Variants in PTK2 observed in about 807,000 individuals in gnomAD.
PTK2 encodes the protein focal adhesion kinase 1.
PTK2 carries 45 observed loss-of-function variants against 150.1 expected under a neutral mutation model. The ratio of observed to expected loss-of-function variants is 0.30; its 90% confidence interval spans 0.24 to 0.38. The LOEUF (loss-of-function observed/expected upper bound fraction) is 0.38, where lower values mean the gene tolerates loss of function less well. Among genes scored for constraint, PTK2 ranks in the 10% least tolerant of loss-of-function variants. The probability of loss-of-function intolerance (pLI) is 1.00; values close to 1 mark genes in which losing one functional copy is unlikely to be tolerated. For synonymous variants in PTK2, 432 were observed against 449.2 expected (o/e 0.96, Z 0.48); for missense variants, 919 against 1,307.3 (o/e 0.70, Z 4.58).
chr8:140,749,111 C>T (rs1468090687), intron 17 of PTK2, among the ~76,000 whole-genome samples: 1 of 152,104 alleles, frequency 6.6e-6, no homozygotes, highest in Non-Finnish European at 1.5e-5. Context: ...ATGTGTTTTA[C>T]AAGTTTTCCC....
intron 7 of PTK2, among the ~76,000 whole-genome samples, chr8:140,838,279 A>T (rs2100120036): frequency 1.3e-5 from 2 of 152,210 alleles, no homozygotes; most frequent in Non-Finnish European, 2.9e-5. Context: ...AGAAATATAA[A>T]TTTCTAAATG....
intron 1 of PTK2, among the ~76,000 whole-genome samples, chr8:140,926,142 G>C (rs1399062650): frequency 6.6e-6 from 1 of 152,210 alleles, no homozygotes; most frequent in Non-Finnish European, 1.5e-5. Flanking sequence ...TGGCTACAGA[G>C]TCCATGTACT....
chr8:140,847,371 A>G (rs902327190), intron 5 of PTK2, among the ~76,000 whole-genome samples: 2 of 152,236 alleles, frequency 1.3e-5, no homozygotes, highest in East Asian at 1.9e-4. Context: ...AATGCCTTCT[A>G]AACAATGAAT....
At chr8:140,885,200 T>C (rs948250487) in intron 3 of PTK2, among the ~76,000 whole-genome samples, 21 of 152,218 alleles carry the variant, frequency 1.4e-4, no homozygotes, top group African/African-American at 4.8e-5. Context: ...TGGCTTTGAA[T>C]AGGTATAATC....
chr8:140,736,496 A>T (rs1030848270), intron 21 of PTK2, among the ~76,000 whole-genome samples: 5 of 150,902 alleles, frequency 3.3e-5, no homozygotes, highest in Non-Finnish European at 7.4e-5. Flanking sequence ...CATGTAACAA[A>T]CCTGCACATG....
intron 8 of PTK2, among the ~76,000 whole-genome samples, chr8:140,825,040 T>A (rs894148967): frequency 5.3e-5 from 8 of 152,160 alleles, no homozygotes; most frequent in Admixed American, 2.6e-4. Flanking sequence ...AACAATAGAT[T>A]CCTAGGACTT....
intron 1 of PTK2, among the ~76,000 whole-genome samples, chr8:140,962,809 C>A (rs1057174832): frequency 6.6e-6 from 1 of 151,686 alleles, no homozygotes; most frequent in Non-Finnish European, 1.5e-5. Context: ...GTCCACCCTC[C>A]TTTCCCAGCA....
intron 29 of PTK2, chr8:140,669,304 T>TATATATAC (rs2094288245): frequency 1.2e-4 from 1 of 8,584 alleles, no homozygotes; most frequent in African/African-American, 1.5e-4. Flanking sequence ...TAAAATGGTA[T>TATATATAC]ATATATATAT....
intron 1 of PTK2, among the ~76,000 whole-genome samples, chr8:140,970,410 T>C (rs924393294): frequency 1.3e-5 from 2 of 152,248 alleles, no homozygotes; most frequent in African/African-American, 2.4e-5. Flanking sequence ...TTGATCTTTC[T>C]CCTCCAAACC....
chr8:140,896,025 A>C (rs1046129147), intron 2 of PTK2, among the ~76,000 whole-genome samples: 1 of 152,182 alleles, frequency 6.6e-6, no homozygotes, highest in African/African-American at 2.4e-5. Context: ...GAAGAAGAGA[A>C]TATAATAAGA....
chr8:140,852,526 T>C (rs966925966), intron 5 of PTK2, among the ~76,000 whole-genome samples: 17 of 152,260 alleles, frequency 1.1e-4, no homozygotes, highest in African/African-American at 4.1e-4. Context: ...AATTTCCTTA[T>C]TCCTATATTG....
intron 5 of PTK2, among the ~76,000 whole-genome samples, chr8:140,853,841 A>G (rs528454077): frequency 2.2e-4 from 34 of 152,210 alleles, no homozygotes; most frequent in Non-Finnish European, 4.9e-4. Flanking sequence ...GCAGCTGATA[A>G]TTCCTATACT....
chr8:140,850,194 G>A (rs915496705), intron 5 of PTK2, among the ~76,000 whole-genome samples: 3 of 152,168 alleles, frequency 2.0e-5, no homozygotes, highest in African/African-American at 7.2e-5. Flanking sequence ...GGGAGGCCGA[G>A]GTGGGTGGAT....
At chr8:140,803,496 C>T in intron 11 of PTK2, 47 bp downstream of exon 11, 1 of 1,454,808 alleles carries the variant, frequency 6.9e-7, no homozygotes, top group Non-Finnish European at 9.7e-7. Context: ...TCTAAAACAT[C>T]CCTATTTAAC....
At chr8:140,967,172 C>A (rs117726031) in intron 1 of PTK2, among the ~76,000 whole-genome samples, 52 of 152,246 alleles carry the variant, frequency 3.4e-4, no homozygotes, top group Middle Eastern at 3.4e-3. Context: ...AGGGAGAGAC[C>A]AGGAATTCAA....
chr8:140,815,482 G>A (rs4961296), intron 10 of PTK2, among the ~76,000 whole-genome samples: 1 of 151,810 alleles, frequency 6.6e-6, no homozygotes, highest in Non-Finnish European at 1.5e-5. Flanking sequence ...TAATACCTGG[G>A]TGACAAAGTA....
rs774254542 is a variant in PTK2 at position 140,793,377 on chromosome 8, T to C, written c.1101A>G (p.Glu367=). The change falls in exon 13 of 32, where the codon GAA becomes GAG. Residue 367 remains glutamate, a synonymous_variant. Coordinates refer to ENST00000522684, the Ensembl canonical transcript of PTK2. ...ACTTTGGTATTGATGGCAAAGCCCGTTCACCTTCTGCGGGGAAAAAGAAAA... is the reference window on the plus strand; with the variant it reads ...ACTTTGGTATTGATGGCAAAGCCCGCTCACCTTCTGCGGGGAAAAAGAAAA... 4 of 1,610,204 alleles carry C rather than the reference T, an allele frequency of 2.5e-6. No individual in the cohort carries two copies. In the South Asian group the frequency reaches 4.5e-5, roughly 18 times the overall value.
Position 140,669,752 on chromosome 8 carries a change from G to A in PTK2, c.2710-1328C>T. The A allele has an allele frequency of 2.0e-6, 3 of 1,532,764 alleles. No individual in the cohort carries two copies. Among genetic ancestry groups the A allele is most frequent in the Non-Finnish European group, 2.6e-6 (3 of 1,144,114 alleles). The allele number at this position is 1,532,764 out of a possible 1,614,324, so 94.9% of individuals were successfully genotyped here. ...CCTCCATGGCTATTGTCGAACGGAAGGTGAGGAAAAGTTAAAGGAATTTAT... is the reference window on the plus strand; with the variant it reads ...CCTCCATGGCTATTGTCGAACGGAAAGTGAGGAAAAGTTAAAGGAATTTAT... On this transcript the variant is annotated intron_variant, in intron 29 of 31. Coordinates refer to ENST00000522684, the Ensembl canonical transcript of PTK2.
intron 13 of PTK2, among the ~76,000 whole-genome samples, chr8:140,790,519 G>A (rs2100087813): frequency 6.6e-6 from 1 of 152,162 alleles, no homozygotes; most frequent in Non-Finnish European, 1.5e-5. Context: ...GTCACATGAG[G>A]TCAGGTGTGG....
Sources: allele counts gnomAD v4.1 joint callset (sites outside exome capture counted in the v4.1 genomes callset), GRCh38; gene constraint gnomAD v4.1.1; transcripts MANE v1.5; gene names NCBI Gene and HGNC (gene_info 2026-07-23, HGNC 2026-07-21).